Variants in RPGRIP1 observed in about 807,000 individuals in gnomAD.
RPGRIP1 encodes RPGR interacting protein 1.
Under a neutral mutation model 157.9 loss-of-function variants are expected in RPGRIP1, and 128 were observed. The ratio of observed to expected loss-of-function variants is 0.81; its 90% CI spans 0.70 to 0.94. The LOEUF is 0.94. RPGRIP1 is among the 40% of genes least tolerant of loss of function. RPGRIP1 has a pLI of 0.00. For missense variants in RPGRIP1, 1,486 were observed against 1,545.8 expected (o/e 0.96, Z 0.65); for synonymous variants, 554 against 571.6 (o/e 0.97, Z 0.44).
At chr14:21,293,323 C>CA (rs1328463259) in intron 2 of RPGRIP1, among the ~76,000 whole-genome samples, 4 of 151,860 alleles carry the variant, frequency 2.6e-5, no homozygotes, top group Admixed American at 6.6e-5. Flanking sequence ...TTCTCCTGAC[C>CA]AAAAAAACAA....
chr14:21,336,004 T>G (rs1193190696), intron 21 of RPGRIP1, among the ~76,000 whole-genome samples: 2 of 152,236 alleles, frequency 1.3e-5, no homozygotes, highest in Non-Finnish European at 1.5e-5. Flanking sequence ...GATTATGAAC[T>G]TCATTAGAAA....
chr14:21,327,124 T>G (rs1391405843), intron 17 of RPGRIP1, among the ~76,000 whole-genome samples: 1 of 152,174 alleles, frequency 6.6e-6, no homozygotes, highest in Non-Finnish European at 1.5e-5. Context: ...AAAAAAAGGC[T>G]GACACTTCTG....
chr14:21,298,907 T>C (rs1880906924), intron 3 of RPGRIP1, among the ~76,000 whole-genome samples: 1 of 133,858 alleles, frequency 7.5e-6, no homozygotes, highest in Non-Finnish European at 1.5e-5. Flanking sequence ...ACCACTGTGC[T>C]CCAGCCTGAG....
At chr14:21,330,737 C>G (rs918434784) in intron 20 of RPGRIP1, among the ~76,000 whole-genome samples, 1 of 152,100 alleles carries the variant, frequency 6.6e-6, no homozygotes, top group Non-Finnish European at 1.5e-5. Flanking sequence ...TAGTTATTTA[C>G]TTTTCTCCTT....
chr14:21,309,376 G>C (rs1304695285), intron 7 of RPGRIP1, among the ~76,000 whole-genome samples: 1 of 152,040 alleles, frequency 6.6e-6, no homozygotes, highest in Non-Finnish European at 1.5e-5. Flanking sequence ...GACAGGCATC[G>C]TGATGTGTGC....
chr14:21,299,036 T>C (rs12147289), intron 3 of RPGRIP1, among the ~76,000 whole-genome samples: 72,773 of 148,762 alleles, frequency 0.49, 18,025 homozygotes, highest in South Asian at 0.58. Context: ...TTTTTTGAGA[T>C]GGGAGTTTCG....
chr14:21,326,163 A>C lies in RPGRIP1; in HGVS notation c.2700A>C (p.Glu900Asp), dbSNP rs781608496. 2 of 1,568,892 alleles carry C rather than the reference A, an allele frequency of 1.3e-6. No homozygotes were observed. Among genetic ancestry groups the C allele is most frequent in the Non-Finnish European group, 1.7e-6 (2 of 1,156,178 alleles). ...RVPLLPLAKN[E>D]SIKGDFNLTD... The stretch of plus-strand genomic sequence containing the variant: ...CTTTACTGCCTCTTGCAAAAAATGA[A>C]TCTATCAAAGGTGGGAGTTCGAGGT... The change falls in exon 17 of 25, where the codon GAA becomes GAC. Residue 900 changes from glutamate to aspartate, a missense_variant. Coordinates refer to ENST00000400017, the MANE Select transcript of RPGRIP1 (RefSeq NM_020366.4).
intron 21 of RPGRIP1, among the ~76,000 whole-genome samples, chr14:21,338,119 T>C (rs1026459726): frequency 1.3e-5 from 2 of 152,142 alleles, no homozygotes; most frequent in African/African-American, 2.4e-5. Context: ...GGTTTCACCG[T>C]GTTAGCCAGG....
chr14:21,281,280 C>A (rs904695920), intron 1 of RPGRIP1, among the ~76,000 whole-genome samples: 1 of 152,042 alleles, frequency 6.6e-6, no homozygotes, highest in Non-Finnish European at 1.5e-5. Flanking sequence ...CCTTGGCCTC[C>A]CAAAGTGCTG....
intron 6 of RPGRIP1, among the ~76,000 whole-genome samples, chr14:21,304,374 G>C (rs1442125258): frequency 3.2e-5 from 4 of 124,114 alleles, no homozygotes; most frequent in Non-Finnish European, 6.9e-5. Context: ...AAGGAAGGGA[G>C]GGAGGAAGGA....
At chr14:21,337,980 G>C (rs910668485) in intron 21 of RPGRIP1, among the ~76,000 whole-genome samples, 101 of 150,760 alleles carry the variant, frequency 6.7e-4, no homozygotes, top group Non-Finnish European at 1.1e-3. Context: ...GCAGTGGTGC[G>C]ATATCGGCTC....
intron 2 of RPGRIP1, among the ~76,000 whole-genome samples, chr14:21,288,756 C>A (rs192703184): frequency 7.9e-5 from 12 of 151,714 alleles, no homozygotes; most frequent in African/African-American, 2.9e-4. Flanking sequence ...TCAAGTGATC[C>A]GCCTGCCTCG....
At position 21,322,962 on chromosome 14, in the gene RPGRIP1, A is replaced by G. The variant is rs546365877; in HGVS notation, c.1762+958A>G. Among the ~76,000 whole-genome samples the G allele has an allele frequency of 1.1e-4, 16 of 152,312 alleles. No individual in the cohort carries two copies. In the South Asian group the frequency reaches 3.3e-3, roughly 32 times the overall value. On this transcript the variant is annotated intron_variant, in intron 14 of 24. Transcript: ENST00000400017. ...TACCCAGTGGTGAAAGATCTGACTC[A>G]CGAAAACCAAATTAACCAGAAGCTG...
intron 1 of RPGRIP1, among the ~76,000 whole-genome samples, chr14:21,286,395 T>C (rs1162150979): frequency 6.7e-6 from 1 of 150,014 alleles, no homozygotes; most frequent in Non-Finnish European, 1.5e-5. Flanking sequence ...TTTATGGACC[T>C]AGGGAAAGAC....
chr14:21,315,130 G>A (rs1164868300), intron 10 of RPGRIP1, among the ~76,000 whole-genome samples: 1 of 151,982 alleles, frequency 6.6e-6, no homozygotes, highest in African/African-American at 2.4e-5. Context: ...GTTGCATTGA[G>A]CCATGTGCAG....
chr14:21,296,411 A>C (rs1594168837), intron 3 of RPGRIP1, among the ~76,000 whole-genome samples: 1 of 149,038 alleles, frequency 6.7e-6, no homozygotes. Flanking sequence ...ATGGGGTTTC[A>C]CCCTGTTGGC....
Position 21,307,762 on chromosome 14 carries a change from C to T in RPGRIP1, c.832C>T (p.Arg278Ter), listed in dbSNP as rs587783018. The T allele has an allele frequency of 3.2e-6, 5 of 1,566,924 alleles. No homozygotes were observed. The highest frequency in any genetic ancestry group is 4.3e-6 in the Non-Finnish European group (5 of 1,155,212). Residue 278 changes from arginine to a stop codon, truncating the protein, a stop_gained, in exon 7 of 25, where the codon CGA becomes TGA. Coordinates refer to ENST00000400017, the MANE Select transcript of RPGRIP1 (RefSeq NM_020366.4). LOFTEE classifies it high-confidence loss of function. ...CATTAAAGAGAAGGTAGAGCTGATT[C>T]GACTTAAGAAGCTCTTACATGAAAG... ...ASIKEKVELI[R>*]LKKLLHERNA...
rs1387821167 is a variant in RPGRIP1, at chr14:21,325,208, G to A, written c.2216-24G>A. On this transcript the variant is annotated intron_variant, in intron 15 of 24. Transcript: ENST00000400017. ...TTGCCACACCATCTGTATTCCCCCT[G>A]CTTTCACACTTTCTGCTACCCAGGA... 4 of 1,586,676 alleles carry A rather than the reference G, an allele frequency of 2.5e-6. No homozygotes were observed. In the Admixed American group the frequency reaches 5.5e-5, roughly 22 times the overall value.
At chr14:21,288,844 C>T (rs1323096090) in intron 2 of RPGRIP1, among the ~76,000 whole-genome samples, 2 of 152,020 alleles carry the variant, frequency 1.3e-5, no homozygotes, top group African/African-American at 4.8e-5. Context: ...AAAAGTATTA[C>T]TGTGTGGGTT....
Sources: allele counts gnomAD v4.1 joint callset (sites outside exome capture counted in the v4.1 genomes callset), GRCh38; gene constraint gnomAD v4.1.1; transcripts MANE v1.5; gene names NCBI Gene and HGNC (gene_info 2026-07-23, HGNC 2026-07-21).